ADAMTS12: variants seen among roughly 807,000 people sequenced by gnomAD.
The protein encoded by ADAMTS12 is ADAM metallopeptidase with thrombospondin type 1 motif 12, also known as A disintegrin and metalloproteinase with thrombospondin motifs 12.
Under a neutral mutation model 167.8 loss-of-function variants are expected in ADAMTS12, and 118 were observed. The observed-to-expected ratio is 0.70, with a 90% CI of 0.61 to 0.82. The LOEUF is 0.82. Ranked by LOEUF, ADAMTS12 falls within the 40% of genes least tolerant of loss-of-function variation. The pLI is 0.00. For synonymous variants in ADAMTS12, 704 were observed against 716.9 expected, an observed-to-expected ratio of 0.98 and a Z score of 0.29; for missense variants, 1,916 against 1,998.8, an observed-to-expected ratio of 0.96 and a Z score of 0.79.
In ADAMTS12 at chr5:33,648,977, G is replaced by T. The variant is rs774085686; in HGVS notation, c.1335-11C>A. 6.2e-7 allele frequency: 1 copy of T among 1,612,910 alleles called. No individual in the cohort carries two copies. ...AACCCCCAGCCTCGGCTGAAAACAA[G>T]TTAACAGAAATGAGAGGAGTTGTTT... On this transcript the variant is annotated splice_polypyrimidine_tract_variant and intron_variant, in intron 8 of 23. Transcript: ENST00000504830.
At chr5:33,543,123 TAAA>T (rs1348803471) in intron 22 of ADAMTS12, among the ~76,000 whole-genome samples, 4 of 151,970 alleles carry the variant, frequency 2.6e-5, no homozygotes, top group Non-Finnish European at 4.4e-5. Flanking sequence ...CTAGCAAGAC[TAAA>T]AAAGAAGAAA....
At chr5:33,773,138 C>A (rs1332326411) in intron 2 of ADAMTS12, among the ~76,000 whole-genome samples, 1 of 152,102 alleles carries the variant, frequency 6.6e-6, no homozygotes, top group Non-Finnish European at 1.5e-5. Flanking sequence ...TTTTATTCTT[C>A]TTTTTTCCAA....
chr5:33,554,183 G>A (rs1453910338), intron 20 of ADAMTS12, among the ~76,000 whole-genome samples: 1 of 152,202 alleles, frequency 6.6e-6, no homozygotes, highest in Non-Finnish European at 1.5e-5. Context: ...ATGAGTAAAT[G>A]CTCATGTGGC....
chr5:33,751,767 T>A (rs1744990634), intron 2 of ADAMTS12, among the ~76,000 whole-genome samples: 1 of 152,266 alleles, frequency 6.6e-6, no homozygotes, highest in Non-Finnish European at 1.5e-5. Context: ...CAGATCCATT[T>A]GTGACCTTAT....
intron 3 of ADAMTS12, among the ~76,000 whole-genome samples, chr5:33,705,005 G>T (rs977483118): frequency 6.6e-6 from 1 of 151,180 alleles, no homozygotes; most frequent in African/African-American, 2.4e-5. Context: ...GTGAGGTAAG[G>T]GTTCAATTTT....
chr5:33,716,802 A>G lies in ADAMTS12; in HGVS notation c.635-32747T>C, dbSNP rs375407604. Among the ~76,000 whole-genome samples, 70 of 152,266 alleles carry G rather than the reference A, an allele frequency of 4.6e-4. 1 individual carries two copies. The South Asian group carries it at 0.014, about 30-fold the overall frequency. Reference sequence around the variant, plus strand: ...TTTCTTAAACTCACAAGATTCTTCCAAAATCCCCTGAAAAGCCTCTTTCCC... The same window carrying G: ...TTTCTTAAACTCACAAGATTCTTCCGAAATCCCCTGAAAAGCCTCTTTCCC... On this transcript the variant is annotated intron_variant, in intron 3 of 23. Transcript: ENST00000504830.
At chr5:33,551,065 T>G (rs1745236395) in intron 20 of ADAMTS12, among the ~76,000 whole-genome samples, 1 of 152,164 alleles carries the variant, frequency 6.6e-6, no homozygotes. Flanking sequence ...GTAAGGTATA[T>G]TTTCATCTGG....
chr5:33,543,185 G>A (rs419559), intron 22 of ADAMTS12, among the ~76,000 whole-genome samples: 74,946 of 151,922 alleles, frequency 0.49, 21,689 homozygotes, highest in African/African-American at 0.78. Context: ...AGGGGATGTC[G>A]CCACCAACCT....
chr5:33,561,219 C>T (rs1231299949), intron 19 of ADAMTS12, 40 bp from the exon 20 acceptor site: 19 of 1,599,876 alleles, frequency 1.2e-5, no homozygotes, highest in Non-Finnish European at 1.5e-5. Context: ...GGCTGAGTGT[C>T]ACCTTCTCAC....
chr5:33,774,903 A>C (rs1375181161), intron 2 of ADAMTS12, among the ~76,000 whole-genome samples: 1 of 152,194 alleles, frequency 6.6e-6, no homozygotes, highest in Non-Finnish European at 1.5e-5. Context: ...TATAAGAATC[A>C]CATTTTTGAC....
intron 16 of ADAMTS12, among the ~76,000 whole-genome samples, chr5:33,600,193 G>T (rs1223452648): frequency 6.6e-6 from 1 of 152,242 alleles, no homozygotes; most frequent in Non-Finnish European, 1.5e-5. Context: ...ATTTCCAGAT[G>T]ATTCTGAATG....
At chr5:33,755,824 T>C (rs1745149093) in intron 2 of ADAMTS12, among the ~76,000 whole-genome samples, 2 of 152,218 alleles carry the variant, frequency 1.3e-5, no homozygotes, top group South Asian at 4.1e-4. Context: ...ACCAGATGAA[T>C]TTGTTTATTC....
chr5:33,679,497 A>G (rs1742033814), intron 5 of ADAMTS12, among the ~76,000 whole-genome samples: 2 of 152,204 alleles, frequency 1.3e-5, no homozygotes. Context: ...TTATTAAACC[A>G]TCAGATCTCA....
At chr5:33,875,431 G>A (rs1750194121) in intron 2 of ADAMTS12, among the ~76,000 whole-genome samples, 2 of 152,102 alleles carry the variant, frequency 1.3e-5, no homozygotes, top group Admixed American at 6.5e-5. Flanking sequence ...ATGGGAGCAG[G>A]GAGATTATGA....
In ADAMTS12 at chr5:33,624,328, G is replaced by A. The variant is rs1379369281; in HGVS notation, c.2046C>T (p.Ile682=). The A allele has an allele frequency of 5.0e-6, 8 of 1,613,862 alleles. No homozygotes were observed. The highest frequency in any genetic ancestry group is 2.7e-5 in the African/African-American group (2 of 74,900). Reference sequence around the variant, plus strand: ...AGCGATCCTCGGTGGCATTGGAATCGATCTCATAGTCACAGCCAACCATCT... The same window carrying A: ...AGCGATCCTCGGTGGCATTGGAATCAATCTCATAGTCACAGCCAACCATCT... ...ICKMVGCDYE[I]DSNATEDRCG... is the part of the protein sequence containing the mutation. Residue 682 remains isoleucine, a synonymous_variant, in exon 14 of 24, where the codon ATC becomes ATT. Transcript: ENST00000504830.
intron 22 of ADAMTS12, among the ~76,000 whole-genome samples, chr5:33,545,402 C>T (rs887895719): frequency 1.2e-4 from 19 of 152,308 alleles, no homozygotes; most frequent in East Asian, 5.8e-4. Flanking sequence ...AATGCTTTTA[C>T]GCTGTTGGTG....
chr5:33,585,249 AATTATGGAACCCAC>A (rs950261722), intron 18 of ADAMTS12, among the ~76,000 whole-genome samples: 28 of 152,290 alleles, frequency 1.8e-4, no homozygotes, highest in African/African-American at 6.7e-4. Context: ...AAAAAGAAAG[AATTATGGAACCCAC>A]TGGGCTGCCC....
chr5:33,787,177 G>GA (rs886127473), intron 2 of ADAMTS12, among the ~76,000 whole-genome samples: 62 of 146,670 alleles, frequency 4.2e-4, no homozygotes, highest in South Asian at 1.1e-3. Flanking sequence ...TAGGAAATAT[G>GA]AAAAAAAAAA....
intron 2 of ADAMTS12, among the ~76,000 whole-genome samples, chr5:33,839,964 G>A (rs1225941098): frequency 6.6e-6 from 1 of 152,174 alleles, no homozygotes; most frequent in Non-Finnish European, 1.5e-5. Context: ...GACGGTTTGG[G>A]CATTAAATAA....
Sources: allele counts gnomAD v4.1 joint callset (sites outside exome capture counted in the v4.1 genomes callset), GRCh38; gene constraint gnomAD v4.1.1; transcripts MANE v1.5; gene names NCBI Gene and HGNC (gene_info 2026-07-23, HGNC 2026-07-21).